VPS11: variants seen among roughly 807,000 people sequenced by gnomAD.
The protein encoded by VPS11 is vacuolar protein sorting-associated protein 11 homolog.
In VPS11, 51 loss-of-function variants were observed where a neutral mutation model predicts 106.8. The observed-to-expected ratio is 0.48, with a 90% CI of 0.38 to 0.60. The LOEUF (loss-of-function observed/expected upper bound fraction) is 0.60. VPS11 is among the 20% of genes least tolerant of loss of function. The pLI is 0.00. For missense variants in VPS11, 950 were observed against 1,190.0 expected (o/e 0.80, Z 2.97); for synonymous variants, 453 against 458.7 (o/e 0.99, Z 0.16).
rs1022136164 is a variant in VPS11, at chr11:119,081,861, A to G, written c.*238A>G. On this transcript the variant is annotated 3_prime_UTR_variant, in exon 16 of 16. Coordinates refer to ENST00000621676, the MANE Select transcript of VPS11 (RefSeq NM_021729.6). ...CCAGATCAGTGGGGGAGGGCACCTC[A>G]GCAACCTCTGAGTGTGGACAATAGC... 1 of 555,886 alleles carries G rather than the reference A, an allele frequency of 1.8e-6. No individual in the cohort carries two copies. Among genetic ancestry groups the G allele is most frequent in the Non-Finnish European group, 3.1e-6 (1 of 319,098 alleles). The allele number at this position is 555,886 out of a possible 1,614,324, so 34.4% of individuals were successfully genotyped here.
Position 119,078,343 on chromosome 11 carries a change from T to C in VPS11, c.1923+9T>C, listed in dbSNP as rs782244642. 45 of 1,607,628 alleles carry C rather than the reference T, an allele frequency of 2.8e-5. 1 individual carries two copies. In the East Asian group the frequency reaches 9.8e-4, roughly 35 times the overall value. On this transcript the variant is annotated intron_variant, in intron 11 of 15. Transcript: ENST00000621676. ...ACGAGAAGGATCCACAGGTGAGGCC[T>C]GGCCAGGGCTTCAGGAGAAAAGACA...
chr11:119,081,203 C>T lies in VPS11; in HGVS notation c.2550C>T (p.Tyr850=), dbSNP rs781948200. 1 of 1,614,028 alleles carries T rather than the reference C, an allele frequency of 6.2e-7. No individual in the cohort carries two copies. The highest frequency in any genetic ancestry group is 8.5e-7 in the Non-Finnish European group (1 of 1,179,904). Reference sequence around the variant, plus strand: ...TCCACCAACACTGCTTTGAGAGTTACTCGGAAAGTGATGCTGACTGCCCCA... The same window carrying T: ...TCCACCAACACTGCTTTGAGAGTTATTCGGAAAGTGATGCTGACTGCCCCA... The part of the protein sequence containing the change: ...HSFHQHCFES[Y]SESDADCPTC... The change falls in exon 15 of 16, where the codon TAC becomes TAT. Residue 850 remains tyrosine, a synonymous_variant. Transcript: ENST00000621676.
At chr11:119,073,759 G>A (rs2134765869) in intron 6 of VPS11, 41 bp from the exon 7 acceptor site, 1 of 1,590,486 alleles carries the variant, frequency 6.3e-7, no homozygotes, top group Non-Finnish European at 8.6e-7. Flanking sequence ...TGTCTTCCCA[G>A]GACCACTTCT....
In VPS11 at chr11:119,070,383, A is replaced by G; in HGVS notation, c.622A>G (p.Thr208Ala). The G allele has an allele frequency of 6.2e-7, 1 of 1,613,082 alleles. No homozygotes were observed. Among genetic ancestry groups the G allele is most frequent in the Non-Finnish European group, 8.5e-7 (1 of 1,179,364 alleles). The part of the protein sequence containing the change: ...GKTTHLFVVT[T>A]ENVQSYIVSG... The stretch of plus-strand genomic sequence containing the variant: ...GACCACTCACTTGTTTGTTGTGACA[A>G]CAGAGAACGTCCAGGTATGACCAAG... Residue 208 changes from threonine to alanine, a missense_variant, in exon 4 of 16, where the codon ACA (threonine) becomes GCA (alanine). Coordinates refer to ENST00000621676, the MANE Select transcript of VPS11 (RefSeq NM_021729.6).
Position 119,077,074 on chromosome 11 carries a change from G to A in VPS11, c.1416G>A (p.Glu472=), listed in dbSNP as rs1432595382. The change falls in exon 8 of 16, where the codon GAG becomes GAA. Residue 472 remains glutamate (E), a synonymous_variant. Transcript: ENST00000621676. ...TKLKDSSKLE[E]FIKKKSESEV... Reference sequence around the variant, plus strand: ...TCAAGGACAGCTCGAAGCTGGAGGAGTTCATCAAGGTGCAGGATGTTGTTG... The same window carrying A: ...TCAAGGACAGCTCGAAGCTGGAGGAATTCATCAAGGTGCAGGATGTTGTTG... 2 of 1,611,532 alleles carry A rather than the reference G, an allele frequency of 1.2e-6. No homozygotes were observed. Among genetic ancestry groups the A allele is most frequent in the Admixed American group, 1.7e-5 (1 of 59,632 alleles).
intron 1 of VPS11, among the ~76,000 whole-genome samples, 194 bp from the exon 2 acceptor site, chr11:119,069,002 C>CT: frequency 1.9e-5 from 1 of 51,500 alleles, no homozygotes; most frequent in South Asian, 1.2e-3. Flanking sequence ...CCGCACCCCC[C>CT]CCCCCCCCCG....
At chr11:119,071,498 A>AG in intron 4 of VPS11, 98 bp from the exon 5 acceptor site, 1 of 1,470,626 alleles carries the variant, frequency 6.8e-7, no homozygotes. Flanking sequence ...GAATGCCAAG[A>AG]GGGAAAAAAG....
rs1699154180 is a variant in VPS11 at position 119,077,568 on chromosome 11, A to G, written c.1493A>G (p.Tyr498Cys). 2.5e-6 allele frequency: 4 copies of G among 1,613,900 alleles called. No individual in the cohort carries two copies. The South Asian group carries it at 4.4e-5, about 18-fold the overall frequency. ...ATCAAGGTCCTCCGGCAGGCTGGCT[A>G]CTACTCCCATGCCCTGTATCTGGCG... ...TAIKVLRQAG[Y>C]YSHALYLAEN... The change falls in exon 9 of 16, where the codon TAC (tyrosine) becomes TGC (cysteine). Residue 498 changes from tyrosine (Y) to cysteine (C), a missense_variant. By Grantham distance (194) the Tyr-to-Cys change is radical. Coordinates refer to ENST00000621676, the MANE Select transcript of VPS11 (RefSeq NM_021729.6).
At chr11:119,071,315 C>G (rs61548225) in intron 4 of VPS11, among the ~76,000 whole-genome samples, 6,005 of 152,228 alleles carry the variant, frequency 0.039, 426 homozygotes, top group African/African-American at 0.13. Context: ...ACAGTCTACT[C>G]TCTCAGGAAT....
intron 4 of VPS11, 150 bp downstream of exon 4, chr11:119,070,547 T>C: frequency 1.1e-6 from 1 of 922,476 alleles, no homozygotes; most frequent in Non-Finnish European, 1.5e-6. Flanking sequence ...ATTTTATTTT[T>C]TTGCCTAGGA....
Position 119,068,030 on chromosome 11 carries a change from G to A in VPS11, c.187+20G>A, listed in dbSNP as rs1592173066. 6.3e-7 allele frequency: 1 copy of A among 1,583,070 alleles called. No homozygotes were observed. Among genetic ancestry groups the A allele is most frequent in the South Asian group, 1.1e-5 (1 of 88,618 alleles). ...TTGGAGATATCCTTCGTTTGGAGCT[G>A]TCTTTTCCCTCCCGGGATCCCGAAG... On this transcript the variant is annotated intron_variant, in intron 1 of 15. Coordinates refer to ENST00000621676, the MANE Select transcript of VPS11 (RefSeq NM_021729.6).
In VPS11 at chr11:119,078,024, C is replaced by G; in HGVS notation, c.1719C>G (p.Pro573=). ...AGGGACTTTGTACTGATTATCGGCC[C>G]AGCCTCGAAGGCCGCAGCGATAGGG... ...LLKGLCTDYR[P]SLEGRSDREA... The change falls in exon 10 of 16, where the codon CCC becomes CCG. Residue 573 remains proline, a synonymous_variant. Transcript: ENST00000621676. 6.2e-7 allele frequency: 1 copy of G among 1,612,998 alleles called. No individual in the cohort carries two copies. The highest frequency in any genetic ancestry group is 8.5e-7 in the Non-Finnish European group (1 of 1,179,874).
At position 119,069,585 on chromosome 11, in the gene VPS11, G is replaced by A. The variant is rs1217720332; in HGVS notation, c.472+8G>A. On this transcript the variant is annotated splice_region_variant and intron_variant, in intron 3 of 15. Coordinates refer to ENST00000621676, the MANE Select transcript of VPS11 (RefSeq NM_021729.6). ...TCAACTTTATGGCCATTGGTAAACA[G>A]AAGGCAAAACTAACCCTCCTAGATT... 3 of 1,614,000 alleles carry A rather than the reference G, an allele frequency of 1.9e-6. No individual in the cohort carries two copies. The highest frequency in any genetic ancestry group is 2.2e-5 in the South Asian group (2 of 91,088).
chr11:119,070,427 A>T (rs782262968), intron 4 of VPS11, 30 bp downstream of exon 4: 4 of 1,586,138 alleles, frequency 2.5e-6, no homozygotes, highest in Admixed American at 1.7e-5. Context: ...TCTTAGGAGC[A>T]GGCAGGGAGG....
chr11:119,075,131 G>A (rs1057451471), intron 7 of VPS11, among the ~76,000 whole-genome samples: 6 of 152,044 alleles, frequency 3.9e-5, no homozygotes, highest in African/African-American at 9.7e-5. Context: ...GCTGGGTGTC[G>A]TGGCGGGCGC....
At chr11:119,080,437 C>T (rs548480782) in intron 14 of VPS11, among the ~76,000 whole-genome samples, 10 of 151,972 alleles carry the variant, frequency 6.6e-5, no homozygotes, top group South Asian at 4.2e-4. Flanking sequence ...GGCGCAATCT[C>T]GGCTCACTGC....
rs781996622 is a variant in VPS11, at chr11:119,078,808, A to T, written c.2077A>T (p.Met693Leu). 1.9e-6 allele frequency: 3 copies of T among 1,613,462 alleles called. No homozygotes were observed. The highest frequency in any genetic ancestry group is 1.7e-5 in the Admixed American group (1 of 59,906). The change falls in exon 13 of 16, where the codon ATG becomes TTG. Residue 693 changes from methionine to leucine, a missense_variant. Coordinates refer to ENST00000621676, the MANE Select transcript of VPS11 (RefSeq NM_021729.6). ...CCCCGGCCGCAGGTTCCAGCAGATC[A>T]TGCACTACCACATGCAGCACGAGCA... ...YEQGKLFQQI[M>L]HYHMQHEQYR...
chr11:119,072,392 TTTG>T (rs1945433054), intron 5 of VPS11: 1 of 156,138 alleles, frequency 6.4e-6, no homozygotes, highest in African/African-American at 2.4e-5. Context: ...ACCTGCTTTT[TTTG>T]TTCTGTTTTG....
intron 7 of VPS11, 117 bp from the exon 8 acceptor site, chr11:119,076,780 A>G: frequency 8.2e-7 from 1 of 1,221,166 alleles, no homozygotes; most frequent in East Asian, 2.6e-5. Flanking sequence ...CTCAGGCCCC[A>G]CTCCAGATCC....
Sources: allele counts gnomAD v4.1 joint callset (sites outside exome capture counted in the v4.1 genomes callset), GRCh38; gene constraint gnomAD v4.1.1; transcripts MANE v1.5; gene names NCBI Gene and HGNC (gene_info 2026-07-23, HGNC 2026-07-21).